Variants in PADI4 observed in about 807,000 individuals in gnomAD.
The protein encoded by PADI4 is peptidyl arginine deiminase 4.
In PADI4, 62 loss-of-function variants were observed where a neutral mutation model predicts 75.0. The observed-to-expected ratio is 0.83, with a 90% CI of 0.67 to 1.02. The LOEUF (loss-of-function observed/expected upper bound fraction) is 1.02, where lower values mean the gene tolerates loss of function less well. Among genes scored for constraint, PADI4 ranks in the 50% least tolerant of loss-of-function variants. The pLI is 0.00. For missense variants in PADI4, 845 were observed against 850.5 expected (o/e 0.99, Z 0.08); for synonymous variants, 361 against 348.1 (o/e 1.04, Z -0.41).
At chr1:17,351,277 G>C (rs969618274) in intron 10 of PADI4, among the ~76,000 whole-genome samples, 2 of 151,326 alleles carry the variant, frequency 1.3e-5, no homozygotes, top group South Asian at 4.2e-4. Context: ...GTGCCAGCGT[G>C]GTAGGGAAGG....
chr1:17,310,984 C>T (rs2073813969), intron 1 of PADI4, among the ~76,000 whole-genome samples: 1 of 151,930 alleles, frequency 6.6e-6, no homozygotes, highest in Non-Finnish European at 1.5e-5. Flanking sequence ...ATAGTCCCAG[C>T]TACTTGGGAG....
chr1:17,347,386 T>C (rs2074535511), intron 9 of PADI4, among the ~76,000 whole-genome samples: 1 of 152,202 alleles, frequency 6.6e-6, no homozygotes, highest in Non-Finnish European at 1.5e-5. Flanking sequence ...CCTGCTAGAA[T>C]ACAAGCCTGC....
At chr1:17,323,655 A>C (rs548966961) in intron 1 of PADI4, among the ~76,000 whole-genome samples, 2 of 152,260 alleles carry the variant, frequency 1.3e-5, no homozygotes, top group Admixed American at 1.3e-4. Flanking sequence ...ATGACATGGC[A>C]AAACCCCATC....
chr1:17,345,466 G>A (rs901391810), intron 8 of PADI4, among the ~76,000 whole-genome samples: 1 of 152,166 alleles, frequency 6.6e-6, no homozygotes, highest in African/African-American at 2.4e-5. Context: ...GCCAGGGGCA[G>A]GATGATATGC....
intron 10 of PADI4, 195 bp downstream of exon 10, chr1:17,348,243 A>G: frequency 2.1e-6 from 1 of 469,916 alleles, no homozygotes; most frequent in Non-Finnish European, 3.8e-6. Context: ...CTGGCTCTTC[A>G]TTTCCCAAAA....
rs1208814324 is a variant in PADI4 at position 17,356,358 on chromosome 1, G to A, written c.1457G>A (p.Gly486Asp). The A allele has an allele frequency of 2.5e-6, 4 of 1,598,958 alleles. No homozygotes were observed. ...LSFVPAPDRK[G>D]FRLLLASPRS... ...TAACCCCAGTGTTTCTGCCTCCAGG[G>A]CTTCCGGCTGCTCCTGGCCAGCCCC... Residue 486 changes from glycine (G) to aspartate (D), a missense_variant and splice_region_variant, in exon 13 of 16, where the codon GGC (glycine) becomes GAC (aspartate). Physicochemically the swap from Gly to Asp is moderately conservative, Grantham distance 94. Transcript: ENST00000375448. This position sits in a 1 kb window ranked among gnomAD's most constrained non-coding sequence, Gnocchi z 4.1.
At chr1:17,353,184 C>A (rs1190575329) in intron 10 of PADI4, among the ~76,000 whole-genome samples, 1 of 152,022 alleles carries the variant, frequency 6.6e-6, no homozygotes, top group African/African-American at 2.4e-5. Context: ...TGGAATCAGG[C>A]CAGGCGCAGT....
At position 17,356,510 on chromosome 1, in the gene PADI4, T is replaced by C. The variant is rs779545383; in HGVS notation, c.1558+51T>C. On this transcript the variant is annotated intron_variant, in intron 13 of 15. Transcript: ENST00000375448. This position sits in a 1 kb window ranked among gnomAD's most constrained non-coding sequence, Gnocchi z 4.1. ...TGTCTGTGCACCTTCCTGCTTCCCATAGTCCGCTGTTGCCTGGAGGGAATC... is the reference window on the plus strand; with the variant it reads ...TGTCTGTGCACCTTCCTGCTTCCCACAGTCCGCTGTTGCCTGGAGGGAATC... 1.2e-5 allele frequency: 13 copies of C among 1,077,962 alleles called. No individual in the cohort carries two copies. The South Asian group carries it at 1.7e-4, about 14-fold the overall frequency. 66.8% of individuals were successfully genotyped at this position (1,077,962 alleles called of 1,614,324 possible).
In PADI4 at chr1:17,358,905, G is replaced by A; in HGVS notation, c.1626G>A (p.Val542=). 1.2e-6 allele frequency: 2 copies of A among 1,602,804 alleles called. No homozygotes were observed. Among genetic ancestry groups the A allele is most frequent in the Non-Finnish European group, 8.5e-7 (1 of 1,172,838 alleles). Reference sequence around the variant, plus strand: ...CATTGAGAGAACATAATTCATTTGTGGAGGTAGGAGCCTGGGTGCCTACAC... The same window carrying A: ...CATTGAGAGAACATAATTCATTTGTAGAGGTAGGAGCCTGGGTGCCTACAC... The part of the protein sequence containing the change: ...NKTLREHNSF[V]ERCIDWNREL... Residue 542 remains valine, a synonymous_variant, in exon 14 of 16, where the codon GTG becomes GTA. Transcript: ENST00000375448.
intron 1 of PADI4, among the ~76,000 whole-genome samples, chr1:17,311,430 G>C (rs1225592178): frequency 6.6e-6 from 1 of 152,188 alleles, no homozygotes; most frequent in Non-Finnish European, 1.5e-5. Flanking sequence ...GGCCTAGAAG[G>C]GGTGGGGGTC....
At chr1:17,322,396 G>A (rs966569098) in intron 1 of PADI4, among the ~76,000 whole-genome samples, 43 of 152,306 alleles carry the variant, frequency 2.8e-4, no homozygotes, top group African/African-American at 1.0e-3. Context: ...GGCTGAGACA[G>A]GAGAATTGCT....
chr1:17,327,887 C>T (rs528167758), intron 1 of PADI4, among the ~76,000 whole-genome samples: 230 of 152,128 alleles, frequency 1.5e-3, no homozygotes, highest in African/African-American at 5.1e-3. Context: ...CCAATTTCTC[C>T]CTATGTGGCC....
chr1:17,359,223 A>AC, intron 14 of PADI4, 57 bp from the exon 15 acceptor site: 12 of 247,870 alleles, frequency 4.8e-5, no homozygotes, highest in South Asian at 1.8e-4. Flanking sequence ...ACTGTCCCCC[A>AC]CCCCCACCCC....
At chr1:17,362,351 CAAAAAAAAAAAAA>C (rs34897407) in intron 15 of PADI4, among the ~76,000 whole-genome samples, 1 of 107,372 alleles carries the variant, frequency 9.3e-6, no homozygotes, top group Non-Finnish European at 1.9e-5. Context: ...GACCCTGTCT[CAAAAAAAAAAAAA>C]AAAAAAAAAA....
intron 11 of PADI4, 51 bp downstream of exon 11, chr1:17,354,738 G>GT: frequency 6.6e-7 from 1 of 1,518,098 alleles, no homozygotes. Context: ...GTATGCCGTA[G>GT]AAAAGCAGAG....
chr1:17,354,711 G>A, intron 11 of PADI4, 24 bp downstream of exon 11: 1 of 1,576,114 alleles, frequency 6.3e-7, no homozygotes, highest in African/African-American at 1.3e-5. Context: ...TAACAGGAAG[G>A]GGTGGCCAGG....
At chr1:17,319,801 T>A (rs1320590982) in intron 1 of PADI4, among the ~76,000 whole-genome samples, 1 of 152,142 alleles carries the variant, frequency 6.6e-6, no homozygotes, top group Non-Finnish European at 1.5e-5. Context: ...ATCGGCCTCA[T>A]TTGAACATGG....
At chr1:17,330,820 G>A in intron 1 of PADI4, 149 bp from the exon 2 acceptor site, 4 of 565,906 alleles carry the variant, frequency 7.1e-6, no homozygotes, top group Non-Finnish European at 1.2e-5. Context: ...CACCCTCACA[G>A]ATACACCCAG....
At chr1:17,311,023 G>A (rs1330627743) in intron 1 of PADI4, among the ~76,000 whole-genome samples, 1 of 151,940 alleles carries the variant, frequency 6.6e-6, no homozygotes, top group Non-Finnish European at 1.5e-5. Flanking sequence ...CTTGAACCCA[G>A]GAGGCGGACG....
Sources: gnomAD v4.1 joint callset for allele counts (sites outside exome capture counted in the v4.1 genomes callset) on GRCh38, gnomAD v4.1.1 for gene constraint, Gnocchi (gnomAD v3.1) non-coding constraint, MANE v1.5 for transcripts, NCBI Gene and HGNC (gene_info 2026-07-23, HGNC 2026-07-21) for gene names.